The following HSPA8 variants were observed in gnomAD, a reference collection of about 807,000 sequenced individuals.
HSPA8 encodes heat shock cognate 71 kDa protein.
HSPA8 carries 2 observed loss-of-function variants against 52.8 expected under a neutral mutation model. The observed-to-expected ratio is 0.04, with a 90% CI of 0.02 to 0.12. HSPA8 has a LOEUF of 0.12. Ranked by LOEUF, HSPA8 falls within the 10% of genes least tolerant of loss-of-function variation. HSPA8 has a pLI of 1.00. For synonymous variants in HSPA8, 436 were observed against 274.0 expected, an observed-to-expected ratio of 1.59 and a Z score of -5.84; for missense variants, 349 against 800.5, an observed-to-expected ratio of 0.44 and a Z score of 6.81.
At chr11:123,059,023 A>T in intron 6 of HSPA8, 36 bp downstream of exon 6, 2 of 1,562,880 alleles carry the variant, frequency 1.3e-6, no homozygotes, top group Non-Finnish European at 1.8e-6. Flanking sequence ...TTTATCTGTT[A>T]TCAGTAAGCC....
chr11:123,057,945 G>T, intron 8 of HSPA8, 26 bp from the exon 9 acceptor site: 1 of 1,542,376 alleles, frequency 6.5e-7, no homozygotes, highest in Non-Finnish European at 8.8e-7. Context: ...AGGAATTACT[G>T]CAAGTTCTTT....
At position 123,060,797 on chromosome 11, in the gene HSPA8, A is replaced by G; in HGVS notation, c.207T>C (p.Asp69=). Residue 69 remains aspartate (D), a splice_region_variant and synonymous_variant, in exon 3 of 9, where the codon GAT becomes GAC. Transcript: ENST00000534624. The stretch of plus-strand genomic sequence containing the variant: ...ATCTGCGTCCAATCAGACGTTTGGC[A>G]TCTGTAAAAGGTGTCAAATGAAAAC... The part of the protein sequence containing the change: ...VAMNPTNTVF[D]AKRLIGRRFD... The G allele has an allele frequency of 3.7e-6, 6 of 1,609,928 alleles. No individual in the cohort carries two copies. The highest frequency in any genetic ancestry group is 5.1e-6 in the Non-Finnish European group (6 of 1,179,360).
chr11:123,061,005 CAA>C (rs1450646809), intron 2 of HSPA8, 113 bp downstream of exon 2: 1 of 969,094 alleles, frequency 1.0e-6, no homozygotes. Context: ...GACTTGATAA[CAA>C]GTCTCTCAGC....
At chr11:123,058,883 G>C (rs1322274087) in intron 6 of HSPA8, 53 bp from the exon 7 acceptor site, 6 of 1,537,346 alleles carry the variant, frequency 3.9e-6, no homozygotes, top group East Asian at 2.2e-5. Flanking sequence ...CTGTGACAGT[G>C]CTAGGGTCCT....
At chr11:123,060,344 G>T in intron 3 of HSPA8, 76 bp from the exon 4 acceptor site, 1 of 1,385,544 alleles carries the variant, frequency 7.2e-7, no homozygotes, top group Non-Finnish European at 1.0e-6. Context: ...ATGGATTAAT[G>T]CTGGTGAAAG....
Position 123,057,864 on chromosome 11 carries a change from T to C in HSPA8, c.1811A>G (p.Asn604Ser). The C allele has an allele frequency of 6.2e-7, 1 of 1,613,172 alleles. No homozygotes were observed. The highest frequency in any genetic ancestry group is 8.5e-7 in the Non-Finnish European group (1 of 1,179,632). Residue 604 changes from asparagine to serine, a missense_variant, in exon 9 of 9, where the codon AAC becomes AGC. Coordinates refer to ENST00000534624, the MANE Select transcript of HSPA8 (RefSeq NM_006597.6). Reference sequence around the variant, plus strand: ...CTGGTACAGCTTGGTGATGATGGGGTTGCAAACTTTCTCCAGCTCTTTCTG... The same window carrying C: ...CTGGTACAGCTTGGTGATGATGGGGCTGCAAACTTTCTCCAGCTCTTTCTG... The part of the protein sequence containing the change: ...HQQKELEKVC[N>S]PIITKLYQSA...
In HSPA8 at chr11:123,058,845, A is replaced by C. The variant is rs140962304; in HGVS notation, c.1324-15T>G. 1,248 of 1,611,724 alleles carry C rather than the reference A, an allele frequency of 7.7e-4. 13 individuals are homozygous for C. In the African/African-American group the frequency reaches 0.015, roughly 20 times the overall value. ...CCTTCATAAACCTTGGTAGGAAATA[A>C]AACAAATTACTACAATGGACTCCAG... On this transcript the variant is annotated splice_polypyrimidine_tract_variant and intron_variant, in intron 6 of 8. Transcript: ENST00000534624.
intron 3 of HSPA8, 104 bp from the exon 4 acceptor site, chr11:123,060,372 C>G: frequency 1.7e-6 from 2 of 1,148,376 alleles, no homozygotes; most frequent in Admixed American, 2.0e-5. Context: ...GGAGCACCCC[C>G]CCCACCAAAA....
At chr11:123,060,518 G>A (rs1250038546) in intron 3 of HSPA8, 75 bp downstream of exon 3, 17 of 1,169,348 alleles carry the variant, frequency 1.5e-5, no homozygotes, top group East Asian at 2.3e-5. Context: ...TCCCTCGCCA[G>A]GTGCCAGTGC....
At position 123,059,996 on chromosome 11, in the gene HSPA8, G is replaced by A. The variant is rs376403473; in HGVS notation, c.597C>T (p.Asp199=). The change falls in exon 5 of 9, where the codon GAC becomes GAT. Residue 199 remains aspartate, a synonymous_variant. Transcript: ENST00000534624. ...VGAERNVLIF[D]LGGGTFDVSI... ...ACACATCAAAAGTGCCACCTCCCAG[G>A]TCAAAGATGAGCACGTTTCTTTCTG... The A allele has an allele frequency of 5.6e-6, 9 of 1,613,808 alleles. No individual in the cohort carries two copies. Among genetic ancestry groups the A allele is most frequent in the Middle Eastern group, 1.7e-4 (1 of 6,058 alleles).
chr11:123,057,983 G>A, intron 8 of HSPA8, 64 bp from the exon 9 acceptor site: 1 of 1,286,832 alleles, frequency 7.8e-7, no homozygotes. Flanking sequence ...CTTTCTCCCT[G>A]ACGCAATCTG....
chr11:123,060,319 T>A, intron 3 of HSPA8, 51 bp from the exon 4 acceptor site: 3 of 1,546,116 alleles, frequency 1.9e-6, no homozygotes, highest in Non-Finnish European at 2.7e-6. Flanking sequence ...CTTACATATA[T>A]GCAAACTCCA....
In HSPA8 at chr11:123,059,050, G is replaced by C; in HGVS notation, c.1323+9C>G. 1 of 1,610,190 alleles carries C rather than the reference G, an allele frequency of 6.2e-7. No homozygotes were observed. The highest frequency in any genetic ancestry group is 8.5e-7 in the Non-Finnish European group (1 of 1,176,830). Reference sequence around the variant, plus strand: ...CAGTAAGCCAAACAAGAGAAGTACAGAAACATACCTGAATAAGCACACCAG... The same window carrying C: ...CAGTAAGCCAAACAAGAGAAGTACACAAACATACCTGAATAAGCACACCAG... On this transcript the variant is annotated intron_variant, in intron 6 of 8. Coordinates refer to ENST00000534624, the MANE Select transcript of HSPA8 (RefSeq NM_006597.6).
chr11:123,058,825 A>G lies in HSPA8; in HGVS notation c.1329T>C (p.Tyr443=). The G allele has an allele frequency of 6.2e-7, 1 of 1,614,146 alleles. No individual in the cohort carries two copies. The part of the protein sequence containing the change: ...DNQPGVLIQV[Y]EGERAMTKDN... Reference sequence around the variant, plus strand: ...CCTTTGTCATGGCACGCTCGCCTTCATAAACCTTGGTAGGAAATAAAACAA... The same window carrying G: ...CCTTTGTCATGGCACGCTCGCCTTCGTAAACCTTGGTAGGAAATAAAACAA... The change falls in exon 7 of 9, where the codon TAT becomes TAC. Residue 443 remains tyrosine, a synonymous_variant. Transcript: ENST00000534624.
chr11:123,061,078 GC>G (rs1865485520), intron 2 of HSPA8, 41 bp downstream of exon 2: 1 of 1,537,782 alleles, frequency 6.5e-7, no homozygotes, highest in African/African-American at 1.4e-5. Context: ...GTGCTTCCTA[GC>G]CCTGTTATAT....
At chr11:123,060,324 A>G in intron 3 of HSPA8, 56 bp from the exon 4 acceptor site, 1 of 1,515,706 alleles carries the variant, frequency 6.6e-7, no homozygotes. Flanking sequence ...ATATATGCAA[A>G]CTCCAGCAAA....
intron 1 of HSPA8, 189 bp from the exon 2 acceptor site, chr11:123,061,518 C>A: frequency 1.7e-6 from 1 of 604,920 alleles, no homozygotes; most frequent in Non-Finnish European, 2.9e-6. Context: ...CCAACCGCAG[C>A]AGAGCACGCC....
Position 123,058,241 on chromosome 11 carries a change from A to AAAAC in HSPA8, c.1755+7_1755+10dup, listed in dbSNP as rs1555074103. 1.3e-6 allele frequency: 2 copies of AAAAC among 1,518,570 alleles called. No individual in the cohort carries two copies. The highest frequency in any genetic ancestry group is 1.8e-6 in the Non-Finnish European group (2 of 1,109,106). 94.1% of individuals were successfully genotyped at this position (1,518,570 alleles called of 1,614,324 possible). A position where few individuals can be genotyped will look rare whatever the true frequency, so the allele number is the denominator to read the frequency against. ...AGTGGGGGAGGAAAAAAAAAAAAAA[A>AAAAC]AAACACAAACCTGATTCTTATCAAG... is the stretch of plus-strand genomic sequence containing the variant. On this transcript the variant is annotated intron_variant, in intron 8 of 8. Coordinates refer to ENST00000534624, the MANE Select transcript of HSPA8 (RefSeq NM_006597.6).
chr11:123,059,432 G>T, intron 5 of HSPA8, 41 bp downstream of exon 5: 2 of 1,540,772 alleles, frequency 1.3e-6, no homozygotes, highest in Non-Finnish European at 1.8e-6. Context: ...AGTCACCTTG[G>T]GCCTGCCTGC....
Sources: gnomAD v4.1 joint callset for allele counts on GRCh38, gnomAD v4.1.1 for gene constraint, MANE v1.5 for transcripts, NCBI Gene and HGNC (gene_info 2026-07-23, HGNC 2026-07-21) for gene names.